The following ARB2A variants were observed in gnomAD, a reference collection of about 807,000 sequenced individuals.
The protein encoded by ARB2A is cotranscriptional regulator ARB2A.
chr5:93,988,016 T>TAAGCC, the ARB2A span, among the ~76,000 whole-genome samples: 1 of 152,194 alleles, frequency 6.6e-6, no homozygotes, highest in Non-Finnish European at 1.5e-5. Context: ...GCTCAGTCTA[T>TAAGCC]AAGCCTAAGT....
the ARB2A span, among the ~76,000 whole-genome samples, chr5:93,882,568 C>T: frequency 4.0e-5 from 6 of 149,994 alleles, no homozygotes; most frequent in South Asian, 4.2e-4. Context: ...ATTAAGAAAA[C>T]GTTTGATATT....
chr5:94,082,106 C>G, the ARB2A span, among the ~76,000 whole-genome samples: 1 of 152,150 alleles, frequency 6.6e-6, no homozygotes, highest in Non-Finnish European at 1.5e-5. Context: ...TTTTGTAAAT[C>G]ACAGTGCACT....
chr5:94,103,891 A>T, the ARB2A span, among the ~76,000 whole-genome samples: 1 of 152,008 alleles, frequency 6.6e-6, no homozygotes, highest in African/African-American at 2.4e-5. Context: ...AAATTAAACA[A>T]TCTGTTCCTG....
the ARB2A span, among the ~76,000 whole-genome samples, chr5:94,007,706 C>T: frequency 2.3e-3 from 340 of 148,362 alleles, no homozygotes; most frequent in African/African-American, 8.0e-3. Context: ...ACCTGGGAGG[C>T]GGAGGTTGTA....
the ARB2A span, chr5:93,865,546 T>C: frequency 1.0e-6 from 1 of 985,386 alleles, no homozygotes; most frequent in Non-Finnish European, 1.2e-6. Flanking sequence ...ATTTCAGGTA[T>C]CTTGAAAGTA....
At chr5:93,925,445 T>G in the ARB2A span, among the ~76,000 whole-genome samples, 1 of 152,222 alleles carries the variant, frequency 6.6e-6, no homozygotes, top group East Asian at 1.9e-4. Context: ...ATTTGCCCAG[T>G]ATTAGTGTCT....
the ARB2A span, among the ~76,000 whole-genome samples, chr5:93,912,359 TTA>T: frequency 4.0e-5 from 6 of 151,838 alleles, no homozygotes; most frequent in Admixed American, 6.6e-5. Flanking sequence ...GGCTATGTCA[TTA>T]GTGTAATTTG....
At chr5:93,864,184 A>G in the ARB2A span, among the ~76,000 whole-genome samples, 1 of 152,242 alleles carries the variant, frequency 6.6e-6, no homozygotes, top group African/African-American at 2.4e-5. Context: ...AATGTAGGTG[A>G]AAATGTTTAA....
At chr5:93,835,888 A>G in the ARB2A span, among the ~76,000 whole-genome samples, 2 of 152,182 alleles carry the variant, frequency 1.3e-5, no homozygotes, top group African/African-American at 4.8e-5. Flanking sequence ...TCTTCTAAAA[A>G]GTTAAGGCTT....
At chr5:94,110,029 C>T in the ARB2A span, among the ~76,000 whole-genome samples, 7 of 151,954 alleles carry the variant, frequency 4.6e-5, no homozygotes, top group African/African-American at 1.2e-4. Context: ...GGAATACAGG[C>T]GCACGCCACC....
chr5:93,839,756 G>A, the ARB2A span, among the ~76,000 whole-genome samples: 1 of 151,956 alleles, frequency 6.6e-6, no homozygotes, highest in African/African-American at 2.4e-5. Flanking sequence ...AGTCTTGGGA[G>A]GTTGTATATG....
the ARB2A span, among the ~76,000 whole-genome samples, chr5:94,100,544 A>C: frequency 3.9e-5 from 6 of 152,190 alleles, no homozygotes; most frequent in African/African-American, 1.4e-4. Context: ...ACCATACTAC[A>C]AGGCTACAGG....
At chr5:93,634,400 AAAAAAC>A in the ARB2A span, among the ~76,000 whole-genome samples, 342 of 148,312 alleles carry the variant, frequency 2.3e-3, 2 homozygotes, top group African/African-American at 7.8e-3. Context: ...CTGTCTCAAA[AAAAAAC>A]AAAAAACAAA....
At chr5:94,060,750 C>T in the ARB2A span, among the ~76,000 whole-genome samples, 12 of 152,002 alleles carry the variant, frequency 7.9e-5, no homozygotes, top group African/African-American at 2.7e-4. Context: ...GACCTGGACA[C>T]AAAAATCTTC....
At chr5:93,956,967 G>A in the ARB2A span, among the ~76,000 whole-genome samples, 7 of 151,788 alleles carry the variant, frequency 4.6e-5, no homozygotes, top group South Asian at 2.1e-4. Context: ...AAATTTTTAC[G>A]TGTGCTGCAT....
chr5:93,816,827 C>T, the ARB2A span, among the ~76,000 whole-genome samples: 8 of 152,018 alleles, frequency 5.3e-5, no homozygotes, highest in Non-Finnish European at 1.2e-4. Flanking sequence ...GGAATGAAAA[C>T]AATCACAACT....
At chr5:93,791,055 C>T in the ARB2A span, among the ~76,000 whole-genome samples, 13 of 152,148 alleles carry the variant, frequency 8.5e-5, no homozygotes, top group South Asian at 2.1e-4. Flanking sequence ...TCTATGTGCT[C>T]TTCAGTGACA....
the ARB2A span, among the ~76,000 whole-genome samples, chr5:93,812,128 CTAATA>C: frequency 2.6e-5 from 4 of 152,094 alleles, no homozygotes; most frequent in Non-Finnish European, 5.9e-5. Flanking sequence ...CTAAAGATAT[CTAATA>C]TATTACTACA....
the ARB2A span, among the ~76,000 whole-genome samples, chr5:93,637,689 T>C: frequency 3.9e-5 from 6 of 152,360 alleles, no homozygotes; most frequent in African/African-American, 1.2e-4. Flanking sequence ...TTCTTCTTTT[T>C]AAAAATTGTT....
Sources: gnomAD v4.1 joint callset for allele counts (sites outside exome capture counted in the v4.1 genomes callset) on GRCh38, gnomAD v4.1.1 for gene constraint, MANE v1.5 for transcripts, NCBI Gene and HGNC (gene_info 2026-07-23, HGNC 2026-07-21) for gene names.